Variants in FOXO3 observed in about 807,000 individuals in gnomAD.
FOXO3 encodes the protein forkhead box protein O3.
Under a neutral mutation model 41.9 loss-of-function variants are expected in FOXO3, and 4 were observed. That is an observed-to-expected ratio of 0.10 (90% CI 0.05 to 0.22). FOXO3 has a LOEUF of 0.22. FOXO3 is among the 10% of genes least tolerant of loss of function. The probability of loss-of-function intolerance (pLI) is 1.00; values close to 1 mark genes in which losing one functional copy is unlikely to be tolerated. For missense variants in FOXO3, 534 were observed against 906.8 expected (o/e 0.59, Z 5.28); for synonymous variants, 318 against 389.3 (o/e 0.82, Z 2.16).
intron 1 of FOXO3, among the ~76,000 whole-genome samples, chr6:108,569,715 A>G (rs1467401723): frequency 6.6e-6 from 1 of 152,198 alleles, no homozygotes; most frequent in African/African-American, 2.4e-5. Context: ...CTTGGTGTCC[A>G]GATGTGCCCT....
chr6:108,632,293 G>A (rs1302462530), intron 1 of FOXO3, among the ~76,000 whole-genome samples: 3 of 152,140 alleles, frequency 2.0e-5, no homozygotes, highest in Non-Finnish European at 4.4e-5. Context: ...CATGACAGAG[G>A]ATAAGTAAGG....
At chr6:108,591,942 T>A (rs991127008) in intron 1 of FOXO3, among the ~76,000 whole-genome samples, 2 of 151,816 alleles carry the variant, frequency 1.3e-5, no homozygotes, top group Non-Finnish European at 2.9e-5. Flanking sequence ...GGAATACTGC[T>A]CTACAATAAG....
chr6:108,635,133 TCTA>T (rs1778087893), intron 1 of FOXO3, among the ~76,000 whole-genome samples: 1 of 151,994 alleles, frequency 6.6e-6, no homozygotes, highest in African/African-American at 2.4e-5. Context: ...AAACCTCATC[TCTA>T]CTAAAAATAC....
intron 1 of FOXO3, among the ~76,000 whole-genome samples, chr6:108,647,943 A>C (rs1336944404): frequency 6.6e-6 from 1 of 152,294 alleles, no homozygotes; most frequent in East Asian, 1.9e-4. Flanking sequence ...TTTCCTTCAC[A>C]GAGATCTAAA....
intron 1 of FOXO3, among the ~76,000 whole-genome samples, chr6:108,577,054 T>G (rs759535692): frequency 6.6e-6 from 1 of 152,176 alleles, no homozygotes; most frequent in Non-Finnish European, 1.5e-5. Context: ...CTTTAATCTC[T>G]TCCCTCTTCT....
chr6:108,614,956 G>A (rs1324453598), intron 1 of FOXO3, among the ~76,000 whole-genome samples: 1 of 151,782 alleles, frequency 6.6e-6, no homozygotes, highest in Non-Finnish European at 1.5e-5. Context: ...TAATGGTTGC[G>A]CTAGGATTTA....
At chr6:108,598,072 C>G (rs1776938089) in intron 1 of FOXO3, among the ~76,000 whole-genome samples, 1 of 152,152 alleles carries the variant, frequency 6.6e-6, no homozygotes, top group Non-Finnish European at 1.5e-5. Context: ...AAATTCCTCT[C>G]ACGGAGTTTG....
intron 2 of FOXO3, among the ~76,000 whole-genome samples, chr6:108,671,332 A>G (rs972870448): frequency 3.3e-5 from 5 of 152,172 alleles, no homozygotes; most frequent in African/African-American, 1.2e-4. Context: ...TGAGCCGCCC[A>G]CTTCAGCACA....
intron 1 of FOXO3, among the ~76,000 whole-genome samples, chr6:108,606,439 T>C (rs539355396): frequency 2.0e-5 from 3 of 152,230 alleles, no homozygotes; most frequent in African/African-American, 7.2e-5. Context: ...CCCCCTAAAC[T>C]CTTTGGGTTC....
intron 1 of FOXO3, among the ~76,000 whole-genome samples, chr6:108,592,680 G>C (rs867019273): frequency 3.3e-5 from 5 of 152,308 alleles, no homozygotes; most frequent in Admixed American, 6.5e-5. Flanking sequence ...TCAGATCATT[G>C]TACCATGCTT....
intron 1 of FOXO3, among the ~76,000 whole-genome samples, chr6:108,597,802 G>A (rs1020357980): frequency 1.3e-5 from 2 of 152,152 alleles, no homozygotes; most frequent in Non-Finnish European, 2.9e-5. Flanking sequence ...GCTATTTCAT[G>A]TTTCCTCTAA....
chr6:108,663,992 A>T lies in FOXO3; in HGVS notation c.1159A>T (p.Met387Leu), dbSNP rs781529385. ...NLNDGLTENL[M>L]DDLLDNITLP... ...GAATGATGGGCTGACTGAAAACCTC[A>T]TGGACGACCTGCTGGATAACATCAC... is the stretch of plus-strand genomic sequence containing the variant. The change falls in exon 2 of 3, where the codon ATG becomes TTG. Residue 387 changes from methionine (M) to leucine (L), a missense_variant. Met to Leu is a conservative substitution (Grantham distance 15). Around this residue, in one of 8 missense-constraint regions of FOXO3, gnomAD observed 185 missense variants for 224.9 expected, o/e 0.82. Transcript: ENST00000406360. 7.4e-6 allele frequency: 12 copies of T among 1,614,106 alleles called. No individual in the cohort carries two copies. The South Asian group carries it at 1.3e-4, about 18-fold the overall frequency.
intron 1 of FOXO3, among the ~76,000 whole-genome samples, chr6:108,574,734 G>A (rs1281313482): frequency 2.0e-5 from 3 of 152,178 alleles, no homozygotes; most frequent in Non-Finnish European, 4.4e-5. Flanking sequence ...GTATGAATAA[G>A]ACCTAAAATG....
intron 1 of FOXO3, among the ~76,000 whole-genome samples, chr6:108,622,658 A>C (rs1007858909): frequency 1.3e-5 from 2 of 151,938 alleles, no homozygotes; most frequent in East Asian, 3.9e-4. Context: ...CCCTCTAGGG[A>C]AGGGGCCCGT....
intron 1 of FOXO3, among the ~76,000 whole-genome samples, chr6:108,597,137 G>A (rs1379651463): frequency 6.6e-6 from 1 of 152,216 alleles, no homozygotes; most frequent in Non-Finnish European, 1.5e-5. Context: ...TCCCAAAAGG[G>A]AAGTGCCAGA....
At chr6:108,570,299 C>A (rs1378207000) in intron 1 of FOXO3, among the ~76,000 whole-genome samples, 1 of 151,210 alleles carries the variant, frequency 6.6e-6, no homozygotes, top group Admixed American at 6.6e-5. Context: ...GCACCCGGCT[C>A]CCTTGTGTAT....
At chr6:108,616,640 T>C (rs1777522225) in intron 1 of FOXO3, among the ~76,000 whole-genome samples, 1 of 152,156 alleles carries the variant, frequency 6.6e-6, no homozygotes, top group African/African-American at 2.4e-5. Flanking sequence ...CTAATTCACA[T>C]TGCCATATAA....
Position 108,680,761 on chromosome 6 carries a change from A to C in FOXO3, c.*969A>C, listed in dbSNP as rs1040628698. 2.2e-5 allele frequency: 3 copies of C among 139,466 alleles called. No individual in the cohort carries two copies. The highest frequency in any genetic ancestry group is 7.9e-5 in the African/African-American group (3 of 37,988). The allele number at this position is 139,466 out of a possible 1,614,324, so 8.6% of individuals were successfully genotyped here. On this transcript the variant is annotated 3_prime_UTR_variant, in exon 3 of 3. Transcript: ENST00000406360. ...AAGGAGAAAGAAAAGGAAAAAAAAAAAAAACAAAAAAGTCCTGTTTTGCTT... is the reference window on the plus strand; with the variant it reads ...AAGGAGAAAGAAAAGGAAAAAAAAACAAAACAAAAAAGTCCTGTTTTGCTT...
At chr6:108,665,526 T>C (rs1313168574) in intron 2 of FOXO3, among the ~76,000 whole-genome samples, 3 of 152,120 alleles carry the variant, frequency 2.0e-5, no homozygotes, top group African/African-American at 4.8e-5. Context: ...GAGCTAAACC[T>C]TTAAAAAAGT....
Sources: gnomAD v4.1 joint callset for allele counts (sites outside exome capture counted in the v4.1 genomes callset) on GRCh38, gnomAD v4.1.1 for gene constraint, gnomAD v4.1.1 regional missense constraint, MANE v1.5 for transcripts, NCBI Gene and HGNC (gene_info 2026-07-23, HGNC 2026-07-21) for gene names.